Variants in PLXNA4 observed in about 807,000 individuals in gnomAD.
The protein encoded by PLXNA4 is plexin-A4.
PLXNA4 carries 44 observed loss-of-function variants against 191.8 expected under a neutral mutation model. The observed-to-expected ratio is 0.23, with a 90% CI of 0.18 to 0.29. The LOEUF is 0.29. PLXNA4 is among the 10% of genes least tolerant of loss of function. The pLI is 1.00. For missense variants in PLXNA4, 1,800 were observed against 2,488.8 expected (o/e 0.72, Z 5.89); for synonymous variants, 1,082 against 1,009.5 (o/e 1.07, Z -1.36).
At chr7:132,477,575 T>C (rs1261656387) in intron 3 of PLXNA4, among the ~76,000 whole-genome samples, 6 of 152,214 alleles carry the variant, frequency 3.9e-5, no homozygotes, top group Admixed American at 6.5e-5. Flanking sequence ...TGCAACATAA[T>C]GTAGTCTAAG....
At position 132,140,810 on chromosome 7, in the gene PLXNA4, G is replaced by C. The variant is rs1795246116; in HGVS notation, c.5227C>G (p.Leu1743Val). The change falls in exon 30 of 32, where the codon CTG becomes GTG. Residue 1743 changes from leucine to valine, a missense_variant and splice_region_variant. Coordinates refer to ENST00000321063, the MANE Select transcript of PLXNA4 (RefSeq NM_020911.2). ...ATGTTGACCCAAAACCTCAGGGGCA[G>C]GCTGCGTGGAAGGAAGAGGCAGATG... Reference protein sequence around the residue: ...HVRHTWKSNCLPLRFWVNMIK... With the variant: ...HVRHTWKSNCVPLRFWVNMIK... The C allele has an allele frequency of 6.2e-7, 1 of 1,614,072 alleles. No homozygotes were observed. Among genetic ancestry groups the C allele is most frequent in the Non-Finnish European group, 8.5e-7 (1 of 1,179,964 alleles).
intron 3 of PLXNA4, among the ~76,000 whole-genome samples, chr7:132,405,072 A>ATGTG (rs55647746): frequency 0.1 from 15,224 of 149,116 alleles, 978 homozygotes; most frequent in Non-Finnish European, 0.15. Context: ...GTGTGTGTGT[A>ATGTG]TGTGTGTGTG....
chr7:132,423,061 G>A (rs1197551043), intron 3 of PLXNA4, among the ~76,000 whole-genome samples: 1 of 152,186 alleles, frequency 6.6e-6, no homozygotes, highest in Non-Finnish European at 1.5e-5. Flanking sequence ...GCCCCTTGGG[G>A]TGGCATGGAA....
intron 3 of PLXNA4, among the ~76,000 whole-genome samples, chr7:132,469,255 G>A (rs1796838889): frequency 2.0e-5 from 3 of 152,118 alleles, no homozygotes; most frequent in African/African-American, 4.8e-5. Context: ...ATGAAGAAAT[G>A]CCTTACCTCC....
At chr7:132,476,684 A>C (rs1055747470) in intron 3 of PLXNA4, among the ~76,000 whole-genome samples, 1 of 152,214 alleles carries the variant, frequency 6.6e-6, no homozygotes, top group South Asian at 2.1e-4. Flanking sequence ...GGGGGTTCAG[A>C]GGGGAAGTGG....
At chr7:132,619,944 G>T (rs1223522509) in intron 2 of PLXNA4, among the ~76,000 whole-genome samples, 2 of 152,188 alleles carry the variant, frequency 1.3e-5, no homozygotes, top group Non-Finnish European at 1.5e-5. Context: ...GGGACTACAG[G>T]CGCCCACCAC....
chr7:132,502,073 A>G lies in PLXNA4; in HGVS notation c.1188+5433T>C, dbSNP rs143677493. Among the ~76,000 whole-genome samples, 736 of 152,336 alleles carry G rather than the reference A, an allele frequency of 4.8e-3. 5 individuals are homozygous for G. The highest frequency in any genetic ancestry group is 0.017 in the African/African-American group (712 of 41,588). On this transcript the variant is annotated intron_variant, in intron 2 of 31. Coordinates refer to ENST00000321063, the MANE Select transcript of PLXNA4 (RefSeq NM_020911.2). ...GTGCTTCCTGCTGACAGGGAAAAGAAAACACCCCAAGAAGACCTGCAGAAG... is the reference window on the plus strand; with the variant it reads ...GTGCTTCCTGCTGACAGGGAAAAGAGAACACCCCAAGAAGACCTGCAGAAG...
At chr7:132,560,645 C>T (rs1193516866) in intron 1 of PLXNA4, among the ~76,000 whole-genome samples, 1 of 152,016 alleles carries the variant, frequency 6.6e-6, no homozygotes, top group Non-Finnish European at 1.5e-5. Context: ...CACATATGCC[C>T]CAATTCACCT....
intron 10 of PLXNA4, among the ~76,000 whole-genome samples, chr7:132,205,773 T>G (rs1044065215): frequency 7.2e-5 from 11 of 152,146 alleles, no homozygotes; most frequent in Non-Finnish European, 2.9e-5. Flanking sequence ...ACAGTGGCTA[T>G]GTCAAGATGG....
chr7:132,412,399 C>T (rs1044368202), intron 3 of PLXNA4, among the ~76,000 whole-genome samples: 1 of 152,098 alleles, frequency 6.6e-6, no homozygotes, highest in East Asian at 1.9e-4. Flanking sequence ...CTCATGGAGC[C>T]GATCACCTTG....
chr7:132,515,944 T>C (rs776500757), intron 1 of PLXNA4, among the ~76,000 whole-genome samples: 4 of 152,214 alleles, frequency 2.6e-5, no homozygotes, highest in Non-Finnish European at 4.4e-5. Flanking sequence ...GGATTATATA[T>C]TGCCCCTCTT....
intron 5 of PLXNA4, among the ~76,000 whole-genome samples, chr7:132,232,629 G>T (rs935260046): frequency 6.6e-6 from 1 of 152,186 alleles, no homozygotes; most frequent in Middle Eastern, 3.2e-3. Context: ...ATTCAAGCCA[G>T]TGGTTCCAAT....
At chr7:132,384,230 G>T in intron 3 of PLXNA4, 1 of 985,404 alleles carries the variant, frequency 1.0e-6, no homozygotes, top group Non-Finnish European at 1.2e-6. Flanking sequence ...TAGTGTGGTG[G>T]TTCTTAGCAA....
chr7:132,313,530 C>A (rs898789099), intron 3 of PLXNA4, among the ~76,000 whole-genome samples: 4 of 152,062 alleles, frequency 2.6e-5, no homozygotes, highest in Non-Finnish European at 4.4e-5. Context: ...GATTGTCACA[C>A]CTGGGTGGCC....
intron 1 of PLXNA4, among the ~76,000 whole-genome samples, chr7:132,546,446 A>T (rs1371876220): frequency 6.6e-6 from 1 of 152,186 alleles, no homozygotes; most frequent in Non-Finnish European, 1.5e-5. Context: ...GTCCAGAGAA[A>T]GTAGAACTCT....
At chr7:132,262,656 TC>T (rs1343627181) in intron 4 of PLXNA4, among the ~76,000 whole-genome samples, 1 of 152,112 alleles carries the variant, frequency 6.6e-6, no homozygotes, top group African/African-American at 2.4e-5. Context: ...AATTAACTGA[TC>T]AATTAATATT....
At chr7:132,196,294 G>A (rs751890073) in intron 13 of PLXNA4, among the ~76,000 whole-genome samples, 1 of 152,224 alleles carries the variant, frequency 6.6e-6, no homozygotes, top group African/African-American at 2.4e-5. Context: ...TTGCACCCAT[G>A]TGTAATATCC....
intron 4 of PLXNA4, among the ~76,000 whole-genome samples, chr7:132,270,557 A>C (rs1800027450): frequency 6.6e-6 from 1 of 152,238 alleles, no homozygotes; most frequent in South Asian, 2.1e-4. Context: ...CCTGCTCATC[A>C]AAGAAGTTGC....
intron 2 of PLXNA4, among the ~76,000 whole-genome samples, chr7:132,596,455 C>T (rs528315234): frequency 1.3e-5 from 2 of 152,354 alleles, no homozygotes; most frequent in African/African-American, 4.8e-5. Flanking sequence ...AGTGCTGGCC[C>T]TTTCTGGACT....
Sources: allele counts gnomAD v4.1 joint callset (sites outside exome capture counted in the v4.1 genomes callset), GRCh38; gene constraint gnomAD v4.1.1; transcripts MANE v1.5; gene names NCBI Gene and HGNC (gene_info 2026-07-23, HGNC 2026-07-21).